Variants in PDXDC1 observed in about 807,000 individuals in gnomAD.
PDXDC1 encodes pyridoxal-dependent decarboxylase domain-containing protein 1.
PDXDC1 carries 42 observed loss-of-function variants against 100.1 expected under a neutral mutation model. The ratio of observed to expected loss-of-function variants is 0.42; its 90% CI spans 0.33 to 0.54. PDXDC1 has a LOEUF of 0.54. PDXDC1 is among the 20% of genes least tolerant of loss of function. The pLI is 0.10. For synonymous variants in PDXDC1, 260 were observed against 371.7 expected (o/e 0.70, Z 3.46); for missense variants, 636 against 979.2 (o/e 0.65, Z 4.68).
At chr16:15,091,557 G>T (rs2151827236) in intron 16 of PDXDC1, among the ~76,000 whole-genome samples, 1 of 151,624 alleles carries the variant, frequency 6.6e-6, no homozygotes, top group South Asian at 2.1e-4. Context: ...CAGCCAGAGG[G>T]CTTGGAAAAA....
chr16:15,095,442 T>C (rs1383446695), intron 16 of PDXDC1, among the ~76,000 whole-genome samples: 1 of 152,152 alleles, frequency 6.6e-6, no homozygotes, highest in Non-Finnish European at 1.5e-5. Context: ...ACACCTGTAG[T>C]CCCAGCTACT....
chr16:15,137,568 G>C, intron 16 of PDXDC1: 1 of 1,230,288 alleles, frequency 8.1e-7, no homozygotes, highest in Non-Finnish European at 1.2e-6. Context: ...TGGACCCCGG[G>C]TTCTGCTCCT....
intron 16 of PDXDC1, among the ~76,000 whole-genome samples, chr16:15,070,956 A>G (rs931501776): frequency 1.3e-5 from 2 of 152,228 alleles, no homozygotes; most frequent in Admixed American, 6.5e-5. Context: ...GAGACACTTT[A>G]TTCTAAAATC....
At chr16:14,999,873 A>G (rs1223140013) in intron 3 of PDXDC1, among the ~76,000 whole-genome samples, 1 of 152,132 alleles carries the variant, frequency 6.6e-6, no homozygotes, top group Non-Finnish European at 1.5e-5. Flanking sequence ...TTTTCCTGTT[A>G]TAACCAGGAA....
intron 16 of PDXDC1, chr16:15,130,163 C>A: frequency 6.8e-7 from 1 of 1,476,386 alleles, no homozygotes; most frequent in Non-Finnish European, 9.2e-7. Context: ...AGGCCCTCCT[C>A]GACTCTGCAG....
chr16:15,033,338 A>G lies in PDXDC1; in HGVS notation c.1751A>G (p.Asp584Gly), dbSNP rs369422140. The G allele has an allele frequency of 8.1e-6, 13 of 1,614,180 alleles. No individual in the cohort carries two copies. In the African/African-American group the frequency reaches 1.5e-4, roughly 18 times the overall value. ...LYVGMASDNV[D>G]AAELVETIAA... ...GTCGGCATGGCGAGCGACAACGTCG[A>G]TGCTGCTGAGCTCGTGGAGACCATT... Residue 584 changes from aspartate (D) to glycine (G), a missense_variant, in exon 19 of 23, where the codon GAT (aspartate) becomes GGT (glycine). This residue lies in a region of PDXDC1 where 452 missense variants were observed against 402.9 expected (regional missense o/e 1.12). Coordinates refer to ENST00000396410, the MANE Select transcript of PDXDC1 (RefSeq NM_015027.4).
At chr16:15,064,937 C>T (rs548142004) in intron 16 of PDXDC1, among the ~76,000 whole-genome samples, 1 of 152,252 alleles carries the variant, frequency 6.6e-6, no homozygotes, top group South Asian at 2.1e-4. Flanking sequence ...GAGGCCGAGG[C>T]GGGCGGATCA....
At chr16:15,004,782 A>C (rs1973907493) in intron 5 of PDXDC1, among the ~76,000 whole-genome samples, 1 of 152,250 alleles carries the variant, frequency 6.6e-6, no homozygotes, top group Non-Finnish European at 1.5e-5. Flanking sequence ...AAAATAGCAC[A>C]GTATTTTCAT....
At chr16:15,041,663 C>T, downstream of PDXDC1, 1 of 1,610,258 alleles carries the variant, frequency 6.2e-7, no homozygotes. Context: ...CATCTTCTTG[C>T]CTGTCAAATT....
intron 1 of PDXDC1, among the ~76,000 whole-genome samples, chr16:14,977,637 T>C (rs565609469): frequency 1.3e-5 from 2 of 152,400 alleles, no homozygotes; most frequent in African/African-American, 2.4e-5. Context: ...AAACGATTTA[T>C]ATTGGTGCTA....
At chr16:15,126,039 A>T (rs1433854289) in intron 16 of PDXDC1, 8 of 467,344 alleles carry the variant, frequency 1.7e-5, no homozygotes, top group African/African-American at 6.1e-5. Context: ...TTTCAATTTC[A>T]TTTTTTTTTT....
intron 7 of PDXDC1, chr16:15,009,411 T>A: frequency 1.8e-6 from 1 of 567,136 alleles, no homozygotes; most frequent in Non-Finnish European, 2.9e-6. Context: ...AGAGAACATT[T>A]CATTTAAATG....
chr16:15,002,181 TTTAG>T lies in PDXDC1; in HGVS notation c.242+332_242+335del, dbSNP rs1973309587. 2.6e-5 allele frequency among the ~76,000 whole-genome samples: 4 copies of T among 152,292 alleles called. No homozygotes were observed. In the South Asian group the frequency reaches 6.2e-4, roughly 24 times the overall value. On this transcript the variant is annotated intron_variant, in intron 4 of 22. Coordinates refer to ENST00000396410, the MANE Select transcript of PDXDC1 (RefSeq NM_015027.4). ...TTGCTGTAGTTGTATTCATTAGGTA[TTTAG>T]TTAGTTTTCTCTTCAATTATTTTAA...
chr16:15,064,774 A>T (rs1339870325), intron 16 of PDXDC1, among the ~76,000 whole-genome samples: 1 of 152,210 alleles, frequency 6.6e-6, no homozygotes, highest in Non-Finnish European at 1.5e-5. Flanking sequence ...AAATATACGC[A>T]GGGAGACCAC....
chr16:15,033,289 A>T lies in PDXDC1; in HGVS notation c.1702A>T (p.Lys568Ter). The change falls in exon 19 of 23, where the codon AAG becomes TAG. Residue 568 changes from lysine (K) to a stop codon, truncating the protein, a stop_gained. Transcript: ENST00000396410. LOFTEE classifies it high-confidence loss of function. Reference protein sequence around the residue: ...DLTFKIGPEYKSMKSCLYVGM... With the variant: ...DLTFKIGPEY ...CGTTACCTTTGCAGGCCCTGAGTAT[A>T]AGAGCATGAAGAGCTGCCTTTATGT... 1 of 1,614,180 alleles carries T rather than the reference A, an allele frequency of 6.2e-7. No individual in the cohort carries two copies. Among genetic ancestry groups the T allele is most frequent in the African/African-American group, 1.3e-5 (1 of 75,056 alleles).
rs539383936 is a variant in PDXDC1 at position 15,079,013 on chromosome 16, T to C, written c.1399+48957T>C. Among the ~76,000 whole-genome samples the C allele has an allele frequency of 5.3e-5, 8 of 152,262 alleles. 1 individual carries two copies. The East Asian group carries it at 1.5e-3, about 29-fold the overall frequency. On this transcript the variant is annotated intron_variant, in intron 16 of 16. Transcript: ENST00000535621. The stretch of plus-strand genomic sequence containing the variant: ...TTTTTAGTGAGACAGAGTTTCACCA[T>C]GTTAGCCAGGATGGTCTCGATCTCC...
chr16:14,990,798 T>C (rs1239338747), intron 1 of PDXDC1, among the ~76,000 whole-genome samples: 3 of 152,298 alleles, frequency 2.0e-5, no homozygotes, highest in Non-Finnish European at 2.9e-5. Context: ...TGAAGTGCAG[T>C]GTCGCAATTT....
At chr16:15,128,025 C>T (rs1567299481) in intron 16 of PDXDC1, 17 of 1,600,196 alleles carry the variant, frequency 1.1e-5, no homozygotes, top group East Asian at 4.5e-5. Context: ...ACCAGGCCCC[C>T]GTTGGCCTCC....
At chr16:14,996,246 T>C (rs1971934184) in intron 1 of PDXDC1, 4 of 300,864 alleles carry the variant, frequency 1.3e-5, no homozygotes, top group Non-Finnish European at 2.6e-5. Flanking sequence ...GTGGAATTTC[T>C]TAAAAACAAT....
Sources: gnomAD v4.1 joint callset for allele counts (sites outside exome capture counted in the v4.1 genomes callset) on GRCh38, gnomAD v4.1.1 for gene constraint, gnomAD v4.1.1 regional missense constraint, MANE v1.5 for transcripts, NCBI Gene and HGNC (gene_info 2026-07-23, HGNC 2026-07-21) for gene names.